SMARCC1: variants seen among roughly 807,000 people sequenced by gnomAD.
The protein encoded by SMARCC1 is SWI/SNF complex subunit SMARCC1.
A neutral mutation model predicts 147.4 loss-of-function variants in SMARCC1; 43 were observed. That is an observed-to-expected ratio of 0.29 (90% CI 0.23 to 0.38). The LOEUF is 0.38. Among genes scored for constraint, SMARCC1 ranks in the 10% least tolerant of loss-of-function variants. SMARCC1 has a pLI of 1.00. For missense variants in SMARCC1, 1,119 were observed against 1,381.1 expected (o/e 0.81, Z 3.01); for synonymous variants, 495 against 484.4 (o/e 1.02, Z -0.29).
At chr3:47,677,816 G>C (rs1033739866) in intron 16 of SMARCC1, among the ~76,000 whole-genome samples, 3 of 152,088 alleles carry the variant, frequency 2.0e-5, no homozygotes, top group Non-Finnish European at 4.4e-5. Flanking sequence ...GGGAATACAG[G>C]TGTAAGCCAC....
intron 3 of SMARCC1, among the ~76,000 whole-genome samples, chr3:47,738,375 A>G (rs1296329004): frequency 3.3e-5 from 5 of 152,200 alleles, no homozygotes; most frequent in Admixed American, 6.5e-5. Flanking sequence ...GACATCTTAC[A>G]TCTTATAGAA....
chr3:47,736,902 G>A (rs1389339488), intron 4 of SMARCC1, among the ~76,000 whole-genome samples: 5 of 152,002 alleles, frequency 3.3e-5, no homozygotes, highest in Admixed American at 2.6e-4. Context: ...CCCCAGGAAG[G>A]TTAATTTAGT....
chr3:47,688,708 A>G (rs148049268), intron 13 of SMARCC1, among the ~76,000 whole-genome samples: 166 of 152,344 alleles, frequency 1.1e-3, no homozygotes, highest in Non-Finnish European at 1.7e-3. Flanking sequence ...CAAAGTCTAC[A>G]CTGCATCAAT....
intron 14 of SMARCC1, among the ~76,000 whole-genome samples, chr3:47,683,200 G>A (rs1486228806): frequency 1.3e-5 from 2 of 151,894 alleles, no homozygotes; most frequent in South Asian, 2.1e-4. Context: ...CCGCCACCAC[G>A]CCCGGCTCAT....
chr3:47,614,353 C>A (rs1007823565), intron 25 of SMARCC1, among the ~76,000 whole-genome samples: 3 of 152,196 alleles, frequency 2.0e-5, no homozygotes, highest in Non-Finnish European at 2.9e-5. Context: ...GAACCTGCTA[C>A]TGGGTATGGC....
chr3:47,600,997 A>AAGAGAG (rs1559622849), intron 26 of SMARCC1, among the ~76,000 whole-genome samples: 96 of 28,886 alleles, frequency 3.3e-3, no homozygotes, highest in Middle Eastern at 0.019. Flanking sequence ...GAGGAAGAAA[A>AAGAGAG]TGAGAGAGAG....
At position 47,676,713 on chromosome 3, in the gene SMARCC1, T is replaced by G; in HGVS notation, c.1641A>C (p.Ala547=). The G allele has an allele frequency of 6.2e-7, 1 of 1,612,330 alleles. No individual in the cohort carries two copies. The highest frequency in any genetic ancestry group is 1.1e-5 in the South Asian group (1 of 91,024). Residue 547 remains alanine, a synonymous_variant, in exon 17 of 28, where the codon GCA becomes GCC. Coordinates refer to ENST00000254480, the MANE Select transcript of SMARCC1 (RefSeq NM_003074.4). The stretch of plus-strand genomic sequence containing the variant: ...AATGAGGAGTAGGAGGAGGTCCCAT[T>G]GCCATGGGTCTACTTTCCGGGTCAA... ...YQVDPESRPM[A]MGPPPTPHFN... is the part of the protein sequence containing the mutation.
chr3:47,729,539 G>A (rs1282122997), intron 5 of SMARCC1, among the ~76,000 whole-genome samples: 2 of 152,060 alleles, frequency 1.3e-5, no homozygotes, highest in African/African-American at 4.8e-5. Context: ...GCACCCGCCA[G>A]CACGCCTGGC....
chr3:47,701,018 C>G (rs2033910663), intron 11 of SMARCC1, among the ~76,000 whole-genome samples: 1 of 152,046 alleles, frequency 6.6e-6, no homozygotes, highest in Non-Finnish European at 1.5e-5. Flanking sequence ...GAATGTGATT[C>G]TGTTGCAATT....
At chr3:47,752,489 A>G (rs930143707) in intron 2 of SMARCC1, among the ~76,000 whole-genome samples, 1 of 152,166 alleles carries the variant, frequency 6.6e-6, no homozygotes, top group African/African-American at 2.4e-5. Context: ...TGGAAAACCT[A>G]AAGAATAAAA....
intron 26 of SMARCC1, among the ~76,000 whole-genome samples, chr3:47,597,330 ATTTAT>A (rs1477509711): frequency 2.0e-5 from 3 of 151,818 alleles, no homozygotes; most frequent in African/African-American, 7.3e-5. Context: ...TAATTTATTT[ATTTAT>A]TTTATTTTTT....
At chr3:47,621,654 G>A (rs1258895580) in intron 25 of SMARCC1, among the ~76,000 whole-genome samples, 1 of 152,112 alleles carries the variant, frequency 6.6e-6, no homozygotes, top group African/African-American at 2.4e-5. Flanking sequence ...GACTCCAAAA[G>A]GGGAAGAGGA....
intron 21 of SMARCC1, among the ~76,000 whole-genome samples, chr3:47,647,580 TC>T (rs1231064576): frequency 1.3e-5 from 2 of 152,210 alleles, no homozygotes; most frequent in East Asian, 3.8e-4. Context: ...CTAAAGCATT[TC>T]GGGTTCTCCT....
Position 47,701,268 on chromosome 3 carries a change from G to C in SMARCC1, c.1165+10C>G, listed in dbSNP as rs2033915117. The C allele has an allele frequency of 6.2e-7, 1 of 1,610,862 alleles. No homozygotes were observed. Among genetic ancestry groups the C allele is most frequent in the African/African-American group, 1.3e-5 (1 of 74,820 alleles). Reference sequence around the variant, plus strand: ...TTAAATCTAACACTCTCATGCAGAAGAATACAAACCATTTTTGGGAAGTAC... The same window carrying C: ...TTAAATCTAACACTCTCATGCAGAACAATACAAACCATTTTTGGGAAGTAC... On this transcript the variant is annotated intron_variant, in intron 11 of 27. Coordinates refer to ENST00000254480, the MANE Select transcript of SMARCC1 (RefSeq NM_003074.4).
At chr3:47,727,615 T>C (rs2034315071) in intron 6 of SMARCC1, among the ~76,000 whole-genome samples, 1 of 152,108 alleles carries the variant, frequency 6.6e-6, no homozygotes. Flanking sequence ...AGGTTGTTTT[T>C]TGTTTTTTTT....
In SMARCC1 at chr3:47,590,644, C is replaced by T. The variant is rs1488511976; in HGVS notation, c.3220+17G>A. 9 of 1,495,488 alleles carry T rather than the reference C, an allele frequency of 6.0e-6. No homozygotes were observed. Among genetic ancestry groups the T allele is most frequent in the Non-Finnish European group, 8.0e-6 (9 of 1,127,656 alleles). 92.6% of individuals were successfully genotyped at this position (1,495,488 alleles called of 1,614,324 possible). A position where few individuals can be genotyped will look rare whatever the true frequency, so the allele number is the denominator to read the frequency against. ...AACGGACCCTGAGATAATGCATCCC[C>T]CCTCCATGTTACTTACACATGCCGT... On this transcript the variant is annotated intron_variant, in intron 27 of 27. Transcript: ENST00000254480.
At chr3:47,592,594 G>A (rs916526232) in intron 26 of SMARCC1, among the ~76,000 whole-genome samples, 9 of 152,096 alleles carry the variant, frequency 5.9e-5, no homozygotes, top group African/African-American at 1.9e-4. Context: ...TTTGGCTGCT[G>A]GGCTTGTTTT....
intron 13 of SMARCC1, among the ~76,000 whole-genome samples, chr3:47,687,617 GCCA>G (rs1173428383): frequency 4.6e-5 from 7 of 152,156 alleles, no homozygotes; most frequent in Non-Finnish European, 5.9e-5. Context: ...ATAGGCAGGT[GCCA>G]CCACACCAAG....
chr3:47,754,855 C>A (rs190538119), intron 2 of SMARCC1, among the ~76,000 whole-genome samples: 2 of 152,164 alleles, frequency 1.3e-5, no homozygotes, highest in Admixed American at 1.3e-4. Flanking sequence ...CCAGCCTAGC[C>A]AACATGGTGA....
Sources: gnomAD v4.1 joint callset for allele counts (sites outside exome capture counted in the v4.1 genomes callset) on GRCh38, gnomAD v4.1.1 for gene constraint, MANE v1.5 for transcripts, NCBI Gene and HGNC (gene_info 2026-07-23, HGNC 2026-07-21) for gene names.